The following OTUD4 variants were observed in gnomAD, a reference collection of about 807,000 sequenced individuals.
OTUD4 encodes OTU domain-containing protein 4.
A neutral mutation model predicts 130.4 loss-of-function variants in OTUD4; 24 were observed. The observed-to-expected ratio is 0.18, with a 90% CI of 0.13 to 0.26. The LOEUF is 0.26. Among genes scored for constraint, OTUD4 ranks in the 10% least tolerant of loss-of-function variants. OTUD4 has a pLI of 1.00. For synonymous variants in OTUD4, 420 were observed against 472.5 expected (o/e 0.89, Z 1.44); for missense variants, 1,031 against 1,329.4 (o/e 0.78, Z 3.49).
intron 6 of OTUD4, among the ~76,000 whole-genome samples, 187 bp from the exon 7 acceptor site, chr4:145,159,822 G>T (rs759322315): frequency 6.6e-6 from 1 of 152,158 alleles, no homozygotes; most frequent in Non-Finnish European, 1.5e-5. Flanking sequence ...TAAAATTTCT[G>T]TAAGTGCAGT....
At chr4:145,163,818 T>C (rs772132312) in intron 5 of OTUD4, among the ~76,000 whole-genome samples, 2 of 151,388 alleles carry the variant, frequency 1.3e-5, no homozygotes, top group Non-Finnish European at 2.9e-5. Context: ...GCGATTCTCC[T>C]GCCTCAGCCT....
chr4:145,177,300 T>C (rs1227779701), intron 1 of OTUD4, among the ~76,000 whole-genome samples: 1 of 152,236 alleles, frequency 6.6e-6, no homozygotes, highest in African/African-American at 2.4e-5. Flanking sequence ...TAGGCATATC[T>C]ACTGGTTCTT....
rs756742438 is a variant in OTUD4, at chr4:145,143,938, AC to A, written c.1602+7del. 6.9e-6 allele frequency: 11 copies of A among 1,605,306 alleles called. 1 individual carries two copies. The East Asian group carries it at 2.2e-4, about 33-fold the overall frequency. On this transcript the variant is annotated splice_region_variant and intron_variant, in intron 16 of 20. Transcript: ENST00000447906. ...AGAAAAGATGCAAGTAGTGTTTAAA[AC>A]TTTTACCTCCAATGTGCTTGGTTCG...
At chr4:145,158,305 A>C (rs1321180670) in intron 7 of OTUD4, among the ~76,000 whole-genome samples, 1 of 152,052 alleles carries the variant, frequency 6.6e-6, no homozygotes, top group African/African-American at 2.4e-5. Flanking sequence ...ACATGGTGAA[A>C]CCCCATCTCT....
intron 1 of OTUD4, among the ~76,000 whole-genome samples, chr4:145,175,976 C>T (rs1353147793): frequency 1.3e-5 from 2 of 152,166 alleles, no homozygotes; most frequent in African/African-American, 4.8e-5. Context: ...AAGCGATTCT[C>T]CTGCCTCAGC....
At chr4:145,158,474 T>C (rs552950378) in intron 7 of OTUD4, among the ~76,000 whole-genome samples, 2 of 147,422 alleles carry the variant, frequency 1.4e-5, no homozygotes, top group African/African-American at 5.0e-5. Flanking sequence ...AGTGCAAGAC[T>C]CCGATTCAAA....
At chr4:145,172,991 A>G (rs940774141) in intron 2 of OTUD4, among the ~76,000 whole-genome samples, 12 of 152,206 alleles carry the variant, frequency 7.9e-5, no homozygotes, top group South Asian at 2.1e-4. Context: ...TACTTTCTAC[A>G]ACATCTCTTT....
rs1454093550 is a variant in OTUD4 at position 145,162,736 on chromosome 4, T to C, written c.415-15A>G. Reference sequence around the variant, plus strand: ...CACAGTAACACCTGAAAGGGAAAAATAAAAGAAACATTTCAGCCCCTCATA... The same window carrying C: ...CACAGTAACACCTGAAAGGGAAAAACAAAAGAAACATTTCAGCCCCTCATA... On this transcript the variant is annotated splice_polypyrimidine_tract_variant and intron_variant, in intron 5 of 20. Transcript: ENST00000447906. The C allele has an allele frequency of 1.5e-6, 2 of 1,376,726 alleles. No individual in the cohort carries two copies. The highest frequency in any genetic ancestry group is 2.9e-5 in the African/African-American group (2 of 68,522). 85.3% of individuals were successfully genotyped at this position (1,376,726 alleles called of 1,614,324 possible).
chr4:145,146,654 T>C (rs1430421396), intron 13 of OTUD4, among the ~76,000 whole-genome samples: 1 of 152,106 alleles, frequency 6.6e-6, no homozygotes, highest in Non-Finnish European at 1.5e-5. Flanking sequence ...CCTGTAGCAT[T>C]AGCCTACCTT....
At chr4:145,159,741 T>G in intron 6 of OTUD4, 106 bp from the exon 7 acceptor site, 2 of 1,028,978 alleles carry the variant, frequency 1.9e-6, no homozygotes, top group Non-Finnish European at 2.9e-6. Context: ...GCTTTTAAAA[T>G]CCTGACTAGA....
chr4:145,139,976 C>G lies in OTUD4; in HGVS notation c.2099G>C (p.Arg700Pro), dbSNP rs200932211. ...EDLPKDKNIL[R>P]FFFNLGVKAY... Reference sequence around the variant, plus strand: ...CTTCACACCAAGATTGAAGAAGAATCGAAGAATATTCTTATCTAAAAATAA... The same window carrying G: ...CTTCACACCAAGATTGAAGAAGAATGGAAGAATATTCTTATCTAAAAATAA... The change falls in exon 20 of 21, where the codon CGA becomes CCA. Residue 700 changes from arginine to proline, a missense_variant. Coordinates refer to ENST00000447906, the MANE Select transcript of OTUD4 (RefSeq NM_001366057.1). The G allele has an allele frequency of 1.2e-6, 1 of 811,560 alleles. No homozygotes were observed. The highest frequency in any genetic ancestry group is 1.9e-6 in the Non-Finnish European group (1 of 518,252). 50.3% of individuals were successfully genotyped at this position (811,560 alleles called of 1,614,324 possible).
At chr4:145,159,215 T>C in intron 7 of OTUD4, 3 of 1,118,860 alleles carry the variant, frequency 2.7e-6, no homozygotes, top group South Asian at 5.5e-5. Context: ...AATTTTACAA[T>C]ACACACACAT....
rs1053008546 is a variant in OTUD4, at chr4:145,180,304, G to A, written c.-331C>T. ...GCTGCCTGACTCAGGACCCAGGCCGGGGGTCGCCGCCCCCACAAGTTTCCT... is the reference window on the plus strand; with the variant it reads ...GCTGCCTGACTCAGGACCCAGGCCGAGGGTCGCCGCCCCCACAAGTTTCCT... On this transcript the variant is annotated 5_prime_UTR_variant, in exon 1 of 21. Coordinates refer to ENST00000447906, the MANE Select transcript of OTUD4 (RefSeq NM_001366057.1). 1 of 152,964 alleles carries A rather than the reference G, an allele frequency of 6.5e-6. No homozygotes were observed. Among genetic ancestry groups the A allele is most frequent in the Admixed American group, 6.5e-5 (1 of 15,308 alleles). 9.5% of individuals were successfully genotyped at this position (152,964 alleles called of 1,614,324 possible). A position where few individuals can be genotyped will look rare whatever the true frequency, so the allele number is the denominator to read the frequency against.
chr4:145,146,513 AC>A (rs1361404265), intron 13 of OTUD4, 84 bp from the exon 14 acceptor site: 2 of 882,034 alleles, frequency 2.3e-6, no homozygotes, highest in African/African-American at 1.8e-5. Flanking sequence ...AAAAAAAAAA[AC>A]ACAAAACTGT....
In OTUD4 at chr4:145,137,169, A is replaced by C. The variant is rs1750313800; in HGVS notation, c.*261T>G. 1 of 351,094 alleles carries C rather than the reference A, an allele frequency of 2.8e-6. No homozygotes were observed. The highest frequency in any genetic ancestry group is 2.1e-5 in the African/African-American group (1 of 47,710). The allele number at this position is 351,094 out of a possible 1,614,324, so 21.7% of individuals were successfully genotyped here. The stretch of plus-strand genomic sequence containing the variant: ...AGCTGTTTATAAAAAATACTTTAAC[A>C]AACTTATCTTCTACTTTTTACGGGG... On this transcript the variant is annotated 3_prime_UTR_variant, in exon 21 of 21. Transcript: ENST00000447906.
At position 145,179,954 on chromosome 4, in the gene OTUD4, A is replaced by G. The variant is rs998841712; in HGVS notation, c.20T>C (p.Val7Ala). 1.6e-4 allele frequency: 242 copies of G among 1,519,956 alleles called. No individual in the cohort carries two copies. The highest frequency in any genetic ancestry group is 1.8e-4 in the Non-Finnish European group (211 of 1,141,198). The allele number at this position is 1,519,956 out of a possible 1,614,324, so 94.2% of individuals were successfully genotyped here. ...GCCGCCCTGGTCCCCGCCGTCGGGG[A>G]CGCCGACGGCAGCCTCCATGTTGCT... MEAAVGVPDGGDQGGAG... is the reference protein window; with the variant it reads MEAAVGAPDGGDQGGAG... Residue 7 changes from valine to alanine, a missense_variant, in exon 1 of 21, where the codon GTC becomes GCC. Val to Ala is a moderately conservative substitution (Grantham distance 64). Transcript: ENST00000447906.
At position 145,165,215 on chromosome 4, in the gene OTUD4, A is replaced by T. The variant is rs1333935026; in HGVS notation, c.295-18T>A. 1.9e-6 allele frequency: 3 copies of T among 1,594,750 alleles called. No homozygotes were observed. Among genetic ancestry groups the T allele is most frequent in the Non-Finnish European group, 2.6e-6 (3 of 1,165,782 alleles). ...ACCCATTCCTGTATTGAAGAAAAAAAGGTGGCATGTAAGTGTCTCACACTT... is the reference window on the plus strand; with the variant it reads ...ACCCATTCCTGTATTGAAGAAAAAATGGTGGCATGTAAGTGTCTCACACTT... On this transcript the variant is annotated intron_variant, in intron 3 of 20. Transcript: ENST00000447906.
intron 1 of OTUD4, among the ~76,000 whole-genome samples, chr4:145,174,947 A>G (rs1368192303): frequency 6.6e-6 from 1 of 152,170 alleles, no homozygotes; most frequent in Non-Finnish European, 1.5e-5. Context: ...TACAAACAAT[A>G]CTACTTCTTA....
intron 17 of OTUD4, 106 bp downstream of exon 17, chr4:145,143,259 C>T: frequency 3.4e-6 from 2 of 588,180 alleles, no homozygotes; most frequent in Non-Finnish European, 5.8e-6. Context: ...AGAAAAAATT[C>T]TCCCATTTCC....
Sources: gnomAD v4.1 joint callset for allele counts (sites outside exome capture counted in the v4.1 genomes callset) on GRCh38, gnomAD v4.1.1 for gene constraint, MANE v1.5 for transcripts, NCBI Gene and HGNC (gene_info 2026-07-23, HGNC 2026-07-21) for gene names.